ZNF398: variants seen among roughly 807,000 people sequenced by gnomAD.
ZNF398 encodes zinc finger DNA binding protein ZER6.
A neutral mutation model predicts 41.9 loss-of-function variants in ZNF398; 18 were observed. The observed-to-expected ratio is 0.43, with a 90% CI of 0.30 to 0.64. The LOEUF (loss-of-function observed/expected upper bound fraction) is 0.64. Ranked by LOEUF, ZNF398 falls within the 30% of genes least tolerant of loss-of-function variation. The pLI, the probability that ZNF398 is intolerant of heterozygous loss-of-function variation, is 0.14. For missense variants in ZNF398, 669 were observed against 822.8 expected (o/e 0.81, Z 2.29); for synonymous variants, 260 against 308.8 (o/e 0.84, Z 1.66).
At chr7:149,159,473 C>T (rs1463763200) in intron 2 of ZNF398, among the ~76,000 whole-genome samples, 3 of 151,304 alleles carry the variant, frequency 2.0e-5, no homozygotes, top group Non-Finnish European at 4.4e-5. Flanking sequence ...GGTGAAACCC[C>T]GTCTCTACTA....
intron 2 of ZNF398, among the ~76,000 whole-genome samples, chr7:149,130,810 T>TGGGAGAC (rs1383278054): frequency 6.6e-6 from 1 of 152,156 alleles, no homozygotes; most frequent in Non-Finnish European, 1.5e-5. Context: ...AGATGGGAGA[T>TGGGAGAC]GGGAGATGGG....
rs1794916833 is a variant in ZNF398, at chr7:149,154,002, C to T, written c.82C>T (p.Pro28Ser). The T allele has an allele frequency of 6.2e-7, 1 of 1,614,004 alleles. No individual in the cohort carries two copies. Among genetic ancestry groups the T allele is most frequent in the Non-Finnish European group, 8.5e-7 (1 of 1,180,020 alleles). ...TSLQPLPLPT[P>S]PAANEAHLQT... The stretch of plus-strand genomic sequence containing the variant: ...CCTGCAGCCCCTTCCTCTTCCTACA[C>T]CCCCAGCAGCAAATGAGGCACACCT... Residue 28 changes from proline to serine, a missense_variant, in exon 2 of 6, where the codon CCC becomes TCC. Pro to Ser is a moderately conservative substitution (Grantham distance 74). This residue lies in a region of ZNF398 where 169 missense variants were observed against 239.5 expected (regional missense o/e 0.71). Transcript: ENST00000475153.
At chr7:149,176,237 G>A (rs1488158391) in intron 4 of ZNF398, among the ~76,000 whole-genome samples, 1 of 152,086 alleles carries the variant, frequency 6.6e-6, no homozygotes, top group African/African-American at 2.4e-5. Flanking sequence ...CAGCTACTCG[G>A]GAGGCTGAGG....
At chr7:149,133,626 T>C (rs796628619) in intron 2 of ZNF398, among the ~76,000 whole-genome samples, 88 of 126,004 alleles carry the variant, frequency 7.0e-4, no homozygotes, top group African/African-American at 2.7e-3. Context: ...CCACTGCACC[T>C]GGCTTTTGGT....
intron 2 of ZNF398, among the ~76,000 whole-genome samples, chr7:149,161,360 C>G (rs1275208024): frequency 6.6e-6 from 1 of 152,106 alleles, no homozygotes; most frequent in Non-Finnish European, 1.5e-5. Context: ...AGGACACCAG[C>G]CTGGGCAACA....
At chr7:149,164,422 AAAAT>A (rs1391981499) in intron 2 of ZNF398, among the ~76,000 whole-genome samples, 1 of 152,110 alleles carries the variant, frequency 6.6e-6, no homozygotes, top group Non-Finnish European at 1.5e-5. Context: ...AATAAAAATA[AAAAT>A]AAAAAAAGAG....
chr7:149,135,647 A>G (rs1826694454), intron 2 of ZNF398, among the ~76,000 whole-genome samples: 1 of 108,296 alleles, frequency 9.2e-6, no homozygotes, highest in East Asian at 6.3e-4. Context: ...CCTGTTCCCC[A>G]AAAACTATTA....
intron 4 of ZNF398, among the ~76,000 whole-genome samples, chr7:149,168,910 A>G (rs1677668050): frequency 1.3e-5 from 2 of 152,170 alleles, no homozygotes; most frequent in Admixed American, 1.3e-4. Flanking sequence ...AACACGTTGC[A>G]TTTTACTAAT....
rs1339977660 is a variant in ZNF398, at chr7:149,179,471, C to T, written c.1599C>T (p.His533=). 1.2e-6 allele frequency: 2 copies of T among 1,614,084 alleles called. No individual in the cohort carries two copies. The highest frequency in any genetic ancestry group is 2.7e-5 in the African/African-American group (2 of 74,932). The change falls in exon 6 of 6, where the codon CAC becomes CAT. Residue 533 remains histidine, a synonymous_variant. Transcript: ENST00000475153. This position sits in a 1 kb window ranked among gnomAD's most constrained non-coding sequence, Gnocchi z 6.1. ...ACCTGCTGAACCACCGGCGGCTGCA[C>T]ACAGGCGAGCGGCCCTTCAGTTGTC... ...KEHLLNHRRL[H]TGERPFSCPH...
At chr7:149,167,609 A>G (rs1038096275) in intron 4 of ZNF398, among the ~76,000 whole-genome samples, 3 of 150,508 alleles carry the variant, frequency 2.0e-5, no homozygotes, top group South Asian at 2.1e-4. Flanking sequence ...GCTATCCCAT[A>G]TAGTTATTTT....
At chr7:149,154,950 C>G (rs1794935560) in intron 2 of ZNF398, among the ~76,000 whole-genome samples, 1 of 149,436 alleles carries the variant, frequency 6.7e-6, no homozygotes, top group Non-Finnish European at 1.5e-5. Flanking sequence ...GATCATGCCA[C>G]TGCATGCCAG....
intron 2 of ZNF398, among the ~76,000 whole-genome samples, chr7:149,142,142 T>C (rs561636713): frequency 5.3e-5 from 8 of 152,240 alleles, no homozygotes; most frequent in African/African-American, 1.9e-4. Context: ...TAGAGATAAT[T>C]GCTATAGACT....
chr7:149,170,622 C>A (rs1323076861), intron 4 of ZNF398, among the ~76,000 whole-genome samples: 2 of 151,972 alleles, frequency 1.3e-5, no homozygotes, highest in African/African-American at 4.8e-5. Context: ...GTAGTCCCAG[C>A]TACTCGGGAG....
intron 4 of ZNF398, among the ~76,000 whole-genome samples, chr7:149,176,252 G>C (rs536525064): frequency 1.1e-4 from 17 of 151,952 alleles, no homozygotes; most frequent in Non-Finnish European, 2.1e-4. Context: ...CTGAGGCAGC[G>C]GGGAGAATGG....
intron 4 of ZNF398, among the ~76,000 whole-genome samples, chr7:149,176,095 G>A (rs990949008): frequency 1.3e-5 from 2 of 152,190 alleles, no homozygotes; most frequent in African/African-American, 4.8e-5. Context: ...CACTTTGGGA[G>A]GCCAAGGTGG....
At chr7:149,159,261 A>G (rs67756353) in intron 2 of ZNF398, among the ~76,000 whole-genome samples, 5,268 of 152,140 alleles carry the variant, frequency 0.035, 105 homozygotes, top group Middle Eastern at 0.068. Context: ...ATATTTCTTA[A>G]TGAAATTAAA....
At chr7:149,166,317 G>A (rs111536968) in intron 3 of ZNF398, 33 bp downstream of exon 3, 3 of 1,559,626 alleles carry the variant, frequency 1.9e-6, no homozygotes, top group South Asian at 2.3e-5. Flanking sequence ...TGAATGAAGT[G>A]ACAGCAGCTC....
chr7:149,175,104 G>A (rs531410674), intron 4 of ZNF398, among the ~76,000 whole-genome samples: 48 of 152,260 alleles, frequency 3.2e-4, no homozygotes, highest in South Asian at 1.9e-3. Flanking sequence ...ACCGATGGTC[G>A]TTTGGGCTTT....
rs910261633 is a variant in ZNF398 at position 149,151,210 on chromosome 7, C to T, written c.25-2735C>T. On this transcript the variant is annotated intron_variant, in intron 1 of 5. Transcript: ENST00000475153. ...TTTACCTGGTGATTTCCTCTAGGCA[C>T]GCTTACTAATCTGCTTACAGGAATG... 20 of 1,202,096 alleles carry T rather than the reference C, an allele frequency of 1.7e-5. No homozygotes were observed. The African/African-American group carries it at 2.5e-4, about 15-fold the overall frequency. The allele number at this position is 1,202,096 out of a possible 1,614,324, so 74.5% of individuals were successfully genotyped here. A position where few individuals can be genotyped will look rare whatever the true frequency, so the allele number is the denominator to read the frequency against.
Sources: allele counts gnomAD v4.1 joint callset (sites outside exome capture counted in the v4.1 genomes callset), GRCh38; gene constraint gnomAD v4.1.1; regional missense constraint gnomAD v4.1.1; non-coding constraint Gnocchi (gnomAD v3.1); transcripts MANE v1.5; gene names NCBI Gene and HGNC (gene_info 2026-07-23, HGNC 2026-07-21).